The following SMAP1 variants were observed in gnomAD, a reference collection of about 807,000 sequenced individuals.
The protein encoded by SMAP1 is stromal membrane-associated protein 1.
In SMAP1, 24 loss-of-function variants were observed where a neutral mutation model predicts 58.5. That is an observed-to-expected ratio of 0.41 (90% CI 0.30 to 0.58). The LOEUF (loss-of-function observed/expected upper bound fraction) is 0.58. SMAP1 is among the 20% of genes least tolerant of loss of function. The probability of loss-of-function intolerance (pLI) is 0.29; values close to 1 mark genes in which losing one functional copy is unlikely to be tolerated. For synonymous variants in SMAP1, 216 were observed against 196.6 expected (o/e 1.10, Z -0.82); for missense variants, 563 against 566.3 (o/e 0.99, Z 0.06).
At chr6:70,688,327 A>G (rs1237006652) in intron 1 of SMAP1, among the ~76,000 whole-genome samples, 1 of 152,126 alleles carries the variant, frequency 6.6e-6, no homozygotes, top group Non-Finnish European at 1.5e-5. Flanking sequence ...CCAGTAGTGC[A>G]GTTTGCTGGG....
chr6:70,776,576 T>C (rs1767556327), intron 4 of SMAP1, among the ~76,000 whole-genome samples: 1 of 152,200 alleles, frequency 6.6e-6, no homozygotes, highest in African/African-American at 2.4e-5. Flanking sequence ...CCTATAATAC[T>C]ACAGAACACT....
intron 2 of SMAP1, chr6:70,734,546 C>T (rs117063822): frequency 0.011 from 1,606 of 152,542 alleles, 13 homozygotes; most frequent in Non-Finnish European, 0.016. Context: ...ACTGATGCAC[C>T]GGGTCCCGTG....
intron 1 of SMAP1, among the ~76,000 whole-genome samples, chr6:70,692,833 G>T (rs1045145823): frequency 2.0e-5 from 3 of 152,116 alleles, no homozygotes; most frequent in African/African-American, 7.2e-5. Context: ...GCCCAGGCTG[G>T]AGTGCAGTGG....
chr6:70,762,019 A>C (rs1417614747), intron 3 of SMAP1, among the ~76,000 whole-genome samples: 1 of 152,038 alleles, frequency 6.6e-6, no homozygotes, highest in Admixed American at 6.6e-5. Context: ...GTGTAATAAT[A>C]AGTGCCTACC....
At chr6:70,770,413 C>T (rs997084155) in intron 3 of SMAP1, among the ~76,000 whole-genome samples, 2 of 152,212 alleles carry the variant, frequency 1.3e-5, no homozygotes, top group East Asian at 1.9e-4. Context: ...CGTCTTTTCA[C>T]ATAGTCCCAT....
chr6:70,795,870 T>A (rs1486270625), intron 5 of SMAP1, among the ~76,000 whole-genome samples: 1 of 152,010 alleles, frequency 6.6e-6, no homozygotes, highest in Non-Finnish European at 1.5e-5. Flanking sequence ...CCCAAGTAGC[T>A]GGGATTACAG....
chr6:70,734,697 G>A (rs1283021242), intron 2 of SMAP1: 3 of 152,466 alleles, frequency 2.0e-5, no homozygotes, highest in Admixed American at 6.5e-5. Flanking sequence ...TGTCAGTATA[G>A]TGACTTGCCC....
rs910591267 is a variant in SMAP1 at position 70,706,839 on chromosome 6, G to T, written c.119-25539G>T. Among the ~76,000 whole-genome samples the T allele has an allele frequency of 2.0e-5, 3 of 152,060 alleles. No homozygotes were observed. In the South Asian group the frequency reaches 6.2e-4, roughly 31 times the overall value. ...AATAATAATGGGATCTAGAATTCAC[G>T]AATAAAAGAGGAAGTAGAATAAATG... is the stretch of plus-strand genomic sequence containing the variant. On this transcript the variant is annotated intron_variant, in intron 1 of 10. Transcript: ENST00000370455.
At chr6:70,809,348 A>G (rs927814910) in intron 6 of SMAP1, among the ~76,000 whole-genome samples, 1 of 152,228 alleles carries the variant, frequency 6.6e-6, no homozygotes, top group Admixed American at 6.5e-5. Context: ...TCCTCATTGA[A>G]CAAACCTTTT....
At chr6:70,855,350 CTG>C (rs1272719427) in intron 8 of SMAP1, among the ~76,000 whole-genome samples, 2 of 152,104 alleles carry the variant, frequency 1.3e-5, no homozygotes, top group Non-Finnish European at 2.9e-5. Flanking sequence ...TGTTTTTAGA[CTG>C]TGTCCTTGTT....
chr6:70,824,548 A>G (rs148969098), intron 6 of SMAP1, among the ~76,000 whole-genome samples: 1 of 152,134 alleles, frequency 6.6e-6, no homozygotes, highest in African/African-American at 2.4e-5. Flanking sequence ...AAAATTTTAC[A>G]TTCTTAATAT....
At chr6:70,764,457 T>G (rs988018232) in intron 3 of SMAP1, among the ~76,000 whole-genome samples, 16 of 152,172 alleles carry the variant, frequency 1.1e-4, no homozygotes, top group African/African-American at 3.9e-4. Flanking sequence ...GTTAGGAAAA[T>G]GCAGCTGGTG....
chr6:70,831,977 G>T (rs1029419119), intron 6 of SMAP1, among the ~76,000 whole-genome samples: 2 of 152,018 alleles, frequency 1.3e-5, no homozygotes, highest in Admixed American at 6.6e-5. Context: ...GATGTGAGGT[G>T]GTGTCTCATT....
intron 2 of SMAP1, among the ~76,000 whole-genome samples, chr6:70,735,845 C>T (rs958638456): frequency 6.6e-6 from 1 of 152,168 alleles, no homozygotes; most frequent in Non-Finnish European, 1.5e-5. Context: ...CATAGTTATA[C>T]CCTTTGTCTT....
intron 2 of SMAP1, among the ~76,000 whole-genome samples, chr6:70,744,276 C>T (rs1765932958): frequency 6.6e-6 from 1 of 151,784 alleles, no homozygotes; most frequent in Non-Finnish European, 1.5e-5. Context: ...TGCAACCCAT[C>T]AACTCGTAAT....
intron 3 of SMAP1, among the ~76,000 whole-genome samples, chr6:70,759,523 T>C (rs946308340): frequency 1.3e-5 from 2 of 152,134 alleles, no homozygotes; most frequent in African/African-American, 2.4e-5. Context: ...TCCATATTGT[T>C]TTCAAATTAT....
intron 1 of SMAP1, among the ~76,000 whole-genome samples, chr6:70,673,799 G>GCT (rs1277356929): frequency 6.6e-6 from 1 of 152,194 alleles, no homozygotes; most frequent in African/African-American, 2.4e-5. Flanking sequence ...TGGTATCAGA[G>GCT]CTGAGATGGA....
At chr6:70,733,785 T>A (rs1172336811) in intron 2 of SMAP1, among the ~76,000 whole-genome samples, 1 of 152,172 alleles carries the variant, frequency 6.6e-6, no homozygotes, top group Non-Finnish European at 1.5e-5. Context: ...AGTATCCTGC[T>A]TTTTTAATGG....
rs6932250 is a variant in SMAP1, at chr6:70,770,538, C to T, written c.339-2812C>T. 1.6e-3 allele frequency among the ~76,000 whole-genome samples: 240 copies of T among 152,328 alleles called. 1 individual carries two copies. Among genetic ancestry groups the T allele is most frequent in the African/African-American group, 5.5e-3 (230 of 41,574 alleles). On this transcript the variant is annotated intron_variant, in intron 3 of 10. Coordinates refer to ENST00000370455, the MANE Select transcript of SMAP1 (RefSeq NM_001044305.3). ...TGACACCCTTTCTTCCAGTTGATTG[C>T]ATCGGCTCCTGAGGTTTGTGCATTC...
Sources: gnomAD v4.1 joint callset for allele counts (sites outside exome capture counted in the v4.1 genomes callset) on GRCh38, gnomAD v4.1.1 for gene constraint, MANE v1.5 for transcripts, NCBI Gene and HGNC (gene_info 2026-07-23, HGNC 2026-07-21) for gene names.